IL12RB2: variants seen among roughly 807,000 people sequenced by gnomAD.
IL12RB2 encodes interleukin 12 receptor subunit beta 2, also known as interleukin-12 receptor subunit beta-2.
In IL12RB2, 82 loss-of-function variants were observed where a neutral mutation model predicts 89.4. The ratio of observed to expected loss-of-function variants is 0.92; its 90% CI spans 0.77 to 1.10. IL12RB2 has a LOEUF of 1.10. Ranked by LOEUF, IL12RB2 falls within the 50% of genes least tolerant of loss-of-function variation. IL12RB2 has a pLI of 0.00. For synonymous variants in IL12RB2, 368 were observed against 370.1 expected (o/e 0.99, Z 0.07); for missense variants, 963 against 1,031.9 (o/e 0.93, Z 0.92).
intron 8 of IL12RB2, among the ~76,000 whole-genome samples, chr1:67,331,709 C>T (rs758947509): frequency 1.3e-5 from 2 of 151,990 alleles, no homozygotes; most frequent in Non-Finnish European, 2.9e-5. Context: ...CATCGTGGTG[C>T]GTGCCTGTAA....
At chr1:67,386,917 T>TA (rs1665253562) in intron 15 of IL12RB2, among the ~76,000 whole-genome samples, 1 of 98,602 alleles carries the variant, frequency 1.0e-5, no homozygotes, top group Non-Finnish European at 2.3e-5. Flanking sequence ...TATATATATA[T>TA]TCTTTTTTTC....
chr1:67,359,178 T>C (rs1661713666), intron 10 of IL12RB2, among the ~76,000 whole-genome samples: 3 of 152,064 alleles, frequency 2.0e-5, no homozygotes, highest in South Asian at 4.2e-4. Flanking sequence ...AACTTATTTA[T>C]ATACAACATG....
At chr1:67,380,212 T>C in intron 14 of IL12RB2, 89 bp downstream of exon 14, 1 of 1,408,082 alleles carries the variant, frequency 7.1e-7, no homozygotes, top group South Asian at 1.2e-5. Context: ...GATAATCAGA[T>C]TTTCTTTAAT....
At chr1:67,368,443 G>A (rs536624860) in intron 11 of IL12RB2, among the ~76,000 whole-genome samples, 3 of 152,102 alleles carry the variant, frequency 2.0e-5, no homozygotes, top group Non-Finnish European at 2.9e-5. Flanking sequence ...AGTAAGAGTC[G>A]GTATGGCCAT....
rs867089003 is a variant in IL12RB2 at position 67,321,732 on chromosome 1, C to T, written c.207C>T (p.Ile69=). The T allele has an allele frequency of 1.2e-6, 2 of 1,612,386 alleles. No individual in the cohort carries two copies. Among genetic ancestry groups the T allele is most frequent in the Non-Finnish European group, 1.7e-6 (2 of 1,178,438 alleles). ...ACTATTCCAGACGTAACAAGTTAAT[C>T]CTGTACAAGTTTGACAGAAGAATCA... The part of the protein sequence containing the change: ...CFHYSRRNKL[I]LYKFDRRINF... Residue 69 remains isoleucine (I), a synonymous_variant, in exon 4 of 17, where the codon ATC becomes ATT. Coordinates refer to ENST00000674203, the MANE Select transcript of IL12RB2 (RefSeq NM_001374259.2).
In IL12RB2 at chr1:67,396,448, T is replaced by C. The variant is rs1477701512; in HGVS notation, c.*359T>C. ...GGCATACAGTCTAGAGGACCATTCA[T>C]GCAATGACTATTTCTAAAGCACCTG... is the stretch of plus-strand genomic sequence containing the variant. On this transcript the variant is annotated 3_prime_UTR_variant, in exon 17 of 17. Coordinates refer to ENST00000674203, the MANE Select transcript of IL12RB2 (RefSeq NM_001374259.2). 5.2e-6 allele frequency: 2 copies of C among 383,350 alleles called. No homozygotes were observed. Among genetic ancestry groups the C allele is most frequent in the Admixed American group, 3.7e-5 (1 of 26,796 alleles). 23.7% of individuals were successfully genotyped at this position (383,350 alleles called of 1,614,324 possible).
At chr1:67,372,364 TA>T in intron 11 of IL12RB2, 71 bp from the exon 12 acceptor site, 1 of 832,892 alleles carries the variant, frequency 1.2e-6, no homozygotes, top group Admixed American at 1.7e-5. Context: ...TTGTATCAGA[TA>T]ATAAAATGGC....
At chr1:67,387,717 A>G (rs1002992750) in intron 15 of IL12RB2, among the ~76,000 whole-genome samples, 5 of 145,658 alleles carry the variant, frequency 3.4e-5, no homozygotes, top group South Asian at 2.3e-4. Flanking sequence ...AAAAAAAAAA[A>G]GAAAGAAATT....
chr1:67,368,034 T>G lies in IL12RB2; in HGVS notation c.1459+9T>G. Reference sequence around the variant, plus strand: ...GTCTGCTCTGATTTCAGGTACCTAATTGTTCACCTTCCTTCTAGAGGGTTA... The same window carrying G: ...GTCTGCTCTGATTTCAGGTACCTAAGTGTTCACCTTCCTTCTAGAGGGTTA... On this transcript the variant is annotated intron_variant, in intron 11 of 16. Transcript: ENST00000674203. 6.5e-7 allele frequency: 1 copy of G among 1,537,868 alleles called. No individual in the cohort carries two copies.
chr1:67,321,716 G>A lies in IL12RB2; in HGVS notation c.191G>A (p.Arg64Lys), dbSNP rs773357200. ...AGACAAGGCTGCTTTCACTATTCCA[G>A]ACGTAACAAGTTAATCCTGTACAAG... ...KPRQGCFHYS[R>K]RNKLILYKFD... The change falls in exon 4 of 17, where the codon AGA (arginine) becomes AAA (lysine). Residue 64 changes from arginine (R) to lysine (K), a missense_variant. Arg to Lys is a conservative substitution (Grantham distance 26). Transcript: ENST00000674203. 3 of 1,611,872 alleles carry A rather than the reference G, an allele frequency of 1.9e-6. No individual in the cohort carries two copies. Among genetic ancestry groups the A allele is most frequent in the South Asian group, 2.2e-5 (2 of 91,062 alleles).
At chr1:67,344,772 GCACAT>G (rs1660030760) in intron 9 of IL12RB2, among the ~76,000 whole-genome samples, 1 of 152,206 alleles carries the variant, frequency 6.6e-6, no homozygotes, top group Non-Finnish European at 1.5e-5. Flanking sequence ...CCAGACAGTA[GCACAT>G]CTTGGCTCGG....
rs1176263328 is a variant in IL12RB2 at position 67,320,458 on chromosome 1, G to T, written c.76+14G>T. 6.2e-7 allele frequency: 1 copy of T among 1,613,488 alleles called. No individual in the cohort carries two copies. On this transcript the variant is annotated intron_variant, in intron 3 of 16. Transcript: ENST00000674203. ...AAGCAAAAATAGGTAAGATATTTCT[G>T]TAAGTTACTCTGTGGAAGAATTTGT...
intron 8 of IL12RB2, 108 bp from the exon 9 acceptor site, chr1:67,338,516 T>C: frequency 1.4e-6 from 1 of 716,660 alleles, no homozygotes. Context: ...CACAAATAAT[T>C]GAAGTTATCC....
chr1:67,316,436 G>GTGTC (rs1472152049), intron 2 of IL12RB2, among the ~76,000 whole-genome samples: 2 of 151,760 alleles, frequency 1.3e-5, no homozygotes, highest in Non-Finnish European at 2.9e-5. Context: ...GTGTGTGTGT[G>GTGTC]TGTGTGTGTG....
rs1460152088 is a variant in IL12RB2, at chr1:67,398,584, G to C, written c.*2495G>C. Among the ~76,000 whole-genome samples the C allele has an allele frequency of 6.6e-6, 1 of 151,152 alleles. No individual in the cohort carries two copies. Among genetic ancestry groups the C allele is most frequent in the African/African-American group, 2.4e-5 (1 of 40,992 alleles). On this transcript the variant is annotated 3_prime_UTR_variant, in exon 17 of 17. Transcript: ENST00000674203. ...TCCTAAGGATGCTGAGGCCTCCTCA[G>C]CATGATTTCCATATACTTACTTTCT...
chr1:67,369,623 T>A (rs1663069401), intron 11 of IL12RB2, among the ~76,000 whole-genome samples: 1 of 152,214 alleles, frequency 6.6e-6, no homozygotes, highest in East Asian at 1.9e-4. Flanking sequence ...TAAACATTAT[T>A]ATAAGCTGTA....
At chr1:67,337,085 T>G (rs1010677182) in intron 8 of IL12RB2, among the ~76,000 whole-genome samples, 2 of 152,170 alleles carry the variant, frequency 1.3e-5, no homozygotes, top group Non-Finnish European at 2.9e-5. Flanking sequence ...CACTGACTAC[T>G]GCAGGAGGAG....
chr1:67,351,259 C>G (rs1232362182), intron 10 of IL12RB2, among the ~76,000 whole-genome samples, 170 bp downstream of exon 10: 1 of 151,970 alleles, frequency 6.6e-6, no homozygotes. Flanking sequence ...TATGAGTAGC[C>G]TTGGACAAGT....
chr1:67,352,592 T>C (rs369486767), intron 10 of IL12RB2, among the ~76,000 whole-genome samples: 20 of 152,186 alleles, frequency 1.3e-4, no homozygotes, highest in African/African-American at 4.3e-4. Context: ...CTCAAAAATA[T>C]ATTAAGGCAG....
Sources: allele counts gnomAD v4.1 joint callset (sites outside exome capture counted in the v4.1 genomes callset), GRCh38; gene constraint gnomAD v4.1.1; transcripts MANE v1.5; gene names NCBI Gene and HGNC (gene_info 2026-07-23, HGNC 2026-07-21).